Variants in DIAPH2 observed in about 807,000 individuals in gnomAD.
The protein encoded by DIAPH2 is protein diaphanous homolog 2.
In DIAPH2, 35 loss-of-function variants were observed where a neutral mutation model predicts 92.7. That is an observed-to-expected ratio of 0.38 (90% confidence interval 0.29 to 0.50). The LOEUF (loss-of-function observed/expected upper bound fraction) is 0.50. Among genes scored for constraint, DIAPH2 ranks in the 20% least tolerant of loss-of-function variants. DIAPH2 has a pLI of 0.94. For missense variants in DIAPH2, 701 were observed against 819.5 expected (o/e 0.86, Z 1.77); for synonymous variants, 301 against 280.4 (o/e 1.07, Z -0.73).
intron 22 of DIAPH2, among the ~76,000 whole-genome samples, chrX:97,203,037 C>T (rs944917838): frequency 4.5e-5 from 5 of 112,068 alleles, no homozygotes; most frequent in Admixed American, 9.5e-5. Context: ...CACACGACTA[C>T]GTGGAAATCG....
At chrX:97,275,566 C>A (rs1462851141) in intron 23 of DIAPH2, among the ~76,000 whole-genome samples, 1 of 99,257 alleles carries the variant, frequency 1.0e-5, no homozygotes, top group Non-Finnish European at 2.0e-5. Flanking sequence ...TCAGACGGGG[C>A]GGCTGCCGGG....
chrX:96,784,320 AC>A (rs2064439581), intron 4 of DIAPH2, among the ~76,000 whole-genome samples: 2 of 111,957 alleles, frequency 1.8e-5, no homozygotes, highest in South Asian at 7.4e-4. Flanking sequence ...TATTATGACC[AC>A]CCTTATGTGT....
At chrX:96,896,009 TTAC>T (rs888157552) in intron 5 of DIAPH2, among the ~76,000 whole-genome samples, 1 of 112,007 alleles carries the variant, frequency 8.9e-6, no homozygotes, top group Non-Finnish European at 1.9e-5. Context: ...CAACTAATAG[TTAC>T]TACATTTTTT....
chrX:96,896,752 G>A (rs1035178469), intron 5 of DIAPH2, among the ~76,000 whole-genome samples: 1 of 111,809 alleles, frequency 8.9e-6, no homozygotes, highest in African/African-American at 3.2e-5. Context: ...TATCTTTTAG[G>A]TGTAGCTATA....
chrX:97,570,127 A>AAGATAGATAGAT (rs56210210), intron 26 of DIAPH2, among the ~76,000 whole-genome samples: 453 of 27,228 alleles, frequency 0.017, 9 homozygotes, highest in Non-Finnish European at 0.019. Context: ...TATATATTAG[A>AAGATAGATAGAT]AGATAGATAG....
intron 4 of DIAPH2, among the ~76,000 whole-genome samples, chrX:96,769,327 C>G (rs761361061): frequency 7.0e-4 from 78 of 111,858 alleles, no homozygotes; most frequent in African/African-American, 2.5e-3. Context: ...GGAGAAATTA[C>G]TAGAATCACA....
chrX:97,531,994 T>G (rs1437124635), intron 26 of DIAPH2, among the ~76,000 whole-genome samples: 1 of 112,390 alleles, frequency 8.9e-6, no homozygotes, highest in African/African-American at 3.2e-5. Flanking sequence ...TAACGTGGAA[T>G]GTGTGGCTTC....
At chrX:97,185,500 T>TACAC (rs1569323466) in intron 22 of DIAPH2, among the ~76,000 whole-genome samples, 6 of 57,726 alleles carry the variant, frequency 1.0e-4, no homozygotes, top group East Asian at 1.3e-3. Context: ...TATATATATA[T>TACAC]ATATATATAT....
Position 97,046,115 on chromosome X carries a change from C to T in DIAPH2, c.2051-26826C>T, listed in dbSNP as rs1311415609. Among the ~76,000 whole-genome samples, 8 of 107,848 alleles carry T rather than the reference C, an allele frequency of 7.4e-5. No homozygotes were observed. In the Admixed American group the frequency reaches 8.0e-4, roughly 11 times the overall value. The allele number at this position is 107,848 out of a possible 115,157, so 93.7% of individuals were successfully genotyped here. A position where few individuals can be genotyped will look rare whatever the true frequency, so the allele number is the denominator to read the frequency against. Reference sequence around the variant, plus strand: ...CAGTTGATCTGCCTGCCTCGGCCTCCCAAAGTATTGGGATTACAGGCATGA... The same window carrying T: ...CAGTTGATCTGCCTGCCTCGGCCTCTCAAAGTATTGGGATTACAGGCATGA... On this transcript the variant is annotated intron_variant, in intron 17 of 26. Transcript: ENST00000324765.
chrX:96,925,664 G>A (rs2065575896), intron 9 of DIAPH2, among the ~76,000 whole-genome samples: 1 of 111,673 alleles, frequency 9.0e-6, no homozygotes, highest in Non-Finnish European at 1.9e-5. Flanking sequence ...GCTTCCCATA[G>A]TTCACTGCTT....
chrX:97,192,689 C>T (rs184607609), intron 22 of DIAPH2, among the ~76,000 whole-genome samples: 4 of 111,289 alleles, frequency 3.6e-5, no homozygotes, highest in Non-Finnish European at 5.7e-5. Flanking sequence ...TATGAGATGA[C>T]GGTGATGATA....
At chrX:97,122,474 C>T (rs1327281965) in intron 21 of DIAPH2, among the ~76,000 whole-genome samples, 1 of 111,362 alleles carries the variant, frequency 9.0e-6, no homozygotes, top group African/African-American at 3.3e-5. Flanking sequence ...GATCTTTACC[C>T]AAGATCACTT....
At chrX:96,773,065 C>T (rs1235135592) in intron 4 of DIAPH2, among the ~76,000 whole-genome samples, 2 of 111,597 alleles carry the variant, frequency 1.8e-5, no homozygotes, top group Non-Finnish European at 3.8e-5. Flanking sequence ...ATCCATCTTT[C>T]TGTCTATCCT....
chrX:97,398,425 C>A (rs2069723980), intron 25 of DIAPH2, among the ~76,000 whole-genome samples: 1 of 111,233 alleles, frequency 9.0e-6, no homozygotes, highest in African/African-American at 3.3e-5. Context: ...TTTAAGTAAT[C>A]CTGTAAGCTC....
chrX:97,055,111 A>G (rs865899482), intron 17 of DIAPH2, among the ~76,000 whole-genome samples: 1 of 96,276 alleles, frequency 1.0e-5, no homozygotes, highest in Middle Eastern at 4.8e-3. Flanking sequence ...TTTTTTTTTC[A>G]CTTTTGTAAA....
intron 26 of DIAPH2, among the ~76,000 whole-genome samples, chrX:97,516,611 G>A (rs923479566): frequency 1.8e-5 from 2 of 112,320 alleles, no homozygotes; most frequent in Non-Finnish European, 3.8e-5. Context: ...TCTTCACAGA[G>A]GAGGCAACGC....
chrX:96,932,009 A>G (rs994836838), intron 10 of DIAPH2, among the ~76,000 whole-genome samples: 2 of 110,988 alleles, frequency 1.8e-5, no homozygotes, highest in African/African-American at 6.6e-5. Context: ...ATATTCACCA[A>G]TTATAGTTAG....
intron 26 of DIAPH2, among the ~76,000 whole-genome samples, chrX:97,476,719 G>A (rs971479555): frequency 9.3e-6 from 1 of 107,595 alleles, no homozygotes; most frequent in Admixed American, 1.0e-4. Context: ...CAGCACTTTG[G>A]GAGGCCGAGG....
chrX:97,186,555 T>C (rs1399903379), intron 22 of DIAPH2, among the ~76,000 whole-genome samples: 1 of 112,286 alleles, frequency 8.9e-6, no homozygotes. Flanking sequence ...TAATCCATGC[T>C]ACTTCTTGAT....
Sources: allele counts gnomAD v4.1 joint callset (sites outside exome capture counted in the v4.1 genomes callset), GRCh38; gene constraint gnomAD v4.1.1; transcripts MANE v1.5; gene names NCBI Gene and HGNC (gene_info 2026-07-23, HGNC 2026-07-21).